Variants in RPL26L1 observed in about 807,000 individuals in gnomAD.
RPL26L1 encodes the protein ribosomal protein L26 like 1.
In RPL26L1, 8 loss-of-function variants were observed where a neutral mutation model predicts 15.2. The observed-to-expected ratio is 0.53, with a 90% confidence interval of 0.31 to 0.95. The LOEUF is 0.95. Ranked by LOEUF, RPL26L1 falls within the 40% of genes least tolerant of loss-of-function variation. The probability of loss-of-function intolerance (pLI) is 0.05; values close to 1 mark genes in which losing one functional copy is unlikely to be tolerated. For missense variants in RPL26L1, 146 were observed against 190.9 expected (o/e 0.76, Z 1.39); for synonymous variants, 51 against 65.9 (o/e 0.77, Z 1.09).
chr5:172,958,556 G>A (rs1256361170), upstream of RPL26L1: 3 of 379,474 alleles, frequency 7.9e-6, no homozygotes, highest in African/African-American at 6.2e-5. Flanking sequence ...GAGACCCAGA[G>A]CCCTTTTCCT....
chr5:172,956,604 T>C (rs1754982016), upstream of RPL26L1, among the ~76,000 whole-genome samples: 1 of 152,202 alleles, frequency 6.6e-6, no homozygotes, highest in Non-Finnish European at 1.5e-5. Context: ...ATTTATTAAG[T>C]TCTTCCTCTG....
At chr5:172,958,870 G>A (rs1581602235), upstream of RPL26L1, 1 of 157,250 alleles carries the variant, frequency 6.4e-6, no homozygotes, top group Middle Eastern at 3.3e-3. Context: ...AGAGGGGCGG[G>A]GCGGCGGCCA....
rs867302488 is a variant in RPL26L1, at chr5:172,959,771, C to A, written c.-9-94C>A. 98 of 1,392,564 alleles carry A rather than the reference C, an allele frequency of 7.0e-5. 1 individual carries two copies. The highest frequency in any genetic ancestry group is 3.7e-4 in the Middle Eastern group (2 of 5,362). 86.3% of individuals were successfully genotyped at this position (1,392,564 alleles called of 1,614,324 possible). Reference sequence around the variant, plus strand: ...TTCAGAGGCTACCTCCCCTGTAGAGCCTTTGTTGGGGGATGAGGAGTGTCT... The same window carrying A: ...TTCAGAGGCTACCTCCCCTGTAGAGACTTTGTTGGGGGATGAGGAGTGTCT... On this transcript the variant is annotated intron_variant, in intron 1 of 3. Transcript: ENST00000265100.
intron 2 of RPL26L1, among the ~76,000 whole-genome samples, chr5:172,960,418 A>G (rs1162645534): frequency 1.3e-5 from 2 of 152,082 alleles, no homozygotes; most frequent in Non-Finnish European, 2.9e-5. Context: ...TGCCCCACCA[A>G]AAATACTTTT....
intron 2 of RPL26L1, among the ~76,000 whole-genome samples, chr5:172,960,657 C>G (rs987638922): frequency 1.3e-5 from 2 of 151,894 alleles, no homozygotes; most frequent in African/African-American, 4.8e-5. Flanking sequence ...AAAAGACTGG[C>G]CCATGTGAGA....
chr5:172,958,523 C>A, upstream of RPL26L1: 1 of 429,322 alleles, frequency 2.3e-6, no homozygotes, highest in Non-Finnish European at 4.8e-6. Context: ...TAAACCCCGT[C>A]GGTTCTTAAC....
Position 172,968,447 on chromosome 5 carries a change from A to G in RPL26L1, c.169-12A>G. 6.2e-7 allele frequency: 1 copy of G among 1,612,608 alleles called. No individual in the cohort carries two copies. The highest frequency in any genetic ancestry group is 1.3e-5 in the African/African-American group (1 of 74,982). On this transcript the variant is annotated splice_polypyrimidine_tract_variant and intron_variant, in intron 2 of 3. Coordinates refer to ENST00000265100, the MANE Select transcript of RPL26L1 (RefSeq NM_016093.4). ...CAAATGGAGGGGGATTCTCTTTTGT[A>G]TTTTCTCTTAGGTAGTTCGAGGACA...
chr5:172,959,884 A>G lies in RPL26L1; in HGVS notation c.11A>G (p.Asn4Ser), dbSNP rs1254274240. ...TTGTAGAGGGTCACCATGAAGTTCA[A>G]TCCCTTCGTTACCTCGGACCGCAGT... MKFNPFVTSDRSKN... is the reference protein window; with the variant it reads MKFSPFVTSDRSKN... The change falls in exon 2 of 4, where the codon AAT becomes AGT. Residue 4 changes from asparagine (N) to serine (S), a missense_variant. By Grantham distance (46) the Asn-to-Ser change is conservative. Transcript: ENST00000265100. The G allele has an allele frequency of 2.1e-5, 34 of 1,613,970 alleles. No individual in the cohort carries two copies. The highest frequency in any genetic ancestry group is 2.7e-5 in the Non-Finnish European group (32 of 1,180,008).
At chr5:172,967,515 T>C (rs76235227) in intron 2 of RPL26L1, among the ~76,000 whole-genome samples, 2 of 152,196 alleles carry the variant, frequency 1.3e-5, no homozygotes, top group East Asian at 3.9e-4. Context: ...GAAACCCTAA[T>C]CTAGTTGGTT....
At chr5:172,968,759 T>C (rs1361615528) in intron 3 of RPL26L1, among the ~76,000 whole-genome samples, 160 bp downstream of exon 3, 1 of 151,638 alleles carries the variant, frequency 6.6e-6, no homozygotes, top group Non-Finnish European at 1.5e-5. Context: ...CAGATTTTTC[T>C]TCTCTTCTCT....
upstream of RPL26L1, chr5:172,957,356 T>G (rs1755008919): frequency 2.3e-6 from 1 of 442,600 alleles, no homozygotes; most frequent in Admixed American, 2.4e-5. Context: ...AAGCCTTCCC[T>G]GCTCTGCTTG....
At chr5:172,962,510 A>AAAC (rs538336065) in intron 2 of RPL26L1, among the ~76,000 whole-genome samples, 295 of 149,300 alleles carry the variant, frequency 2.0e-3, no homozygotes, top group Non-Finnish European at 3.0e-3. Flanking sequence ...TCTGTCTCAA[A>AAAC]AACAACAACA....
upstream of RPL26L1, chr5:172,959,372 C>G: frequency 3.0e-6 from 3 of 1,004,194 alleles, no homozygotes; most frequent in Non-Finnish European, 3.6e-6. Flanking sequence ...GACTTCGCTC[C>G]TACGGAAATG....
At position 172,969,741 on chromosome 5, in the gene RPL26L1, T is replaced by C; in HGVS notation, c.*200T>C. 1 of 437,522 alleles carries C rather than the reference T, an allele frequency of 2.3e-6. No individual in the cohort carries two copies. Among genetic ancestry groups the C allele is most frequent in the Non-Finnish European group, 4.1e-6 (1 of 242,532 alleles). The allele number at this position is 437,522 out of a possible 1,614,324, so 27.1% of individuals were successfully genotyped here. A position where few individuals can be genotyped will look rare whatever the true frequency, so the allele number is the denominator to read the frequency against. ...TCCTAATTCCACATAGTATTTGCATTGTTTTATAAATAAATTCCACTTACT... is the reference window on the plus strand; with the variant it reads ...TCCTAATTCCACATAGTATTTGCATCGTTTTATAAATAAATTCCACTTACT... On this transcript the variant is annotated 3_prime_UTR_variant, in exon 4 of 4. Coordinates refer to ENST00000265100, the MANE Select transcript of RPL26L1 (RefSeq NM_016093.4).
chr5:172,966,309 AAC>A (rs1561758074), intron 2 of RPL26L1, among the ~76,000 whole-genome samples: 3 of 125,594 alleles, frequency 2.4e-5, no homozygotes, highest in African/African-American at 5.7e-5. Flanking sequence ...ATGTCTGGCT[AAC>A]TATTTTTTTT....
intron 3 of RPL26L1, among the ~76,000 whole-genome samples, 162 bp downstream of exon 3, chr5:172,968,761 C>T (rs1290650147): frequency 1.4e-5 from 2 of 140,916 alleles, no homozygotes; most frequent in African/African-American, 2.6e-5. Flanking sequence ...GATTTTTCTT[C>T]TCTTCTCTTT....
chr5:172,959,845 T>C lies in RPL26L1; in HGVS notation c.-9-20T>C. 1 of 1,613,422 alleles carries C rather than the reference T, an allele frequency of 6.2e-7. No homozygotes were observed. Among genetic ancestry groups the C allele is most frequent in the Non-Finnish European group, 8.5e-7 (1 of 1,179,498 alleles). ...ACCCACTGAGCGCCCCTTCATTCCG[T>C]CTCTCTCCGCCCTTTGTAGAGGGTC... On this transcript the variant is annotated intron_variant, in intron 1 of 3. Transcript: ENST00000265100.
At chr5:172,969,233 G>A (rs2113557287) in intron 3 of RPL26L1, among the ~76,000 whole-genome samples, 180 bp from the exon 4 acceptor site, 1 of 152,272 alleles carries the variant, frequency 6.6e-6, no homozygotes, top group Middle Eastern at 3.4e-3. Flanking sequence ...CTACCTAGTG[G>A]AACATGCTAT....
chr5:172,966,633 T>C (rs1755461562), intron 2 of RPL26L1, among the ~76,000 whole-genome samples: 1 of 44,706 alleles, frequency 2.2e-5, no homozygotes, highest in African/African-American at 4.4e-5. Context: ...TTCTTCAGTC[T>C]TGATGGTATT....
Sources: allele counts gnomAD v4.1 joint callset (sites outside exome capture counted in the v4.1 genomes callset), GRCh38; gene constraint gnomAD v4.1.1; transcripts MANE v1.5; gene names NCBI Gene and HGNC (gene_info 2026-07-23, HGNC 2026-07-21).